Variants in MED12L observed in about 807,000 individuals in gnomAD.
MED12L encodes the protein mediator of RNA polymerase II transcription subunit 12-like protein.
A neutral mutation model predicts 281.3 loss-of-function variants in MED12L; 60 were observed. That is an observed-to-expected ratio of 0.21 (90% CI 0.17 to 0.26). The LOEUF is 0.26. Ranked by LOEUF, MED12L falls within the 10% of genes least tolerant of loss-of-function variation. The pLI is 1.00. For synonymous variants in MED12L, 974 were observed against 987.2 expected, an observed-to-expected ratio of 0.99 and a Z score of 0.25; for missense variants, 2,146 against 2,680.9, an observed-to-expected ratio of 0.80 and a Z score of 4.41.
intron 16 of MED12L, among the ~76,000 whole-genome samples, chr3:151,320,124 T>C (rs1748820791): frequency 2.0e-5 from 3 of 152,216 alleles, no homozygotes; most frequent in Admixed American, 2.0e-4. Flanking sequence ...TTGGCTTTTC[T>C]GCATTGGTGT....
chr3:151,359,723 C>T (rs973530225), intron 20 of MED12L, among the ~76,000 whole-genome samples: 1 of 152,072 alleles, frequency 6.6e-6, no homozygotes, highest in African/African-American at 2.4e-5. Context: ...AATCTGTCAT[C>T]TGTGACTCCG....
intron 16 of MED12L, among the ~76,000 whole-genome samples, chr3:151,291,156 T>TG (rs1257279848): frequency 2.8e-4 from 38 of 136,524 alleles, no homozygotes; most frequent in African/African-American, 7.4e-4. Context: ...TTCTGTTTTT[T>TG]TTTTTTTTTG....
intron 16 of MED12L, chr3:151,269,397 TCACACACACACA>T (rs71801434): frequency 2.8e-3 from 408 of 144,672 alleles, no homozygotes; most frequent in South Asian, 9.5e-3. Flanking sequence ...TGAAACTCCA[TCACACACACACA>T]CACACACACA....
Position 151,372,700 on chromosome 3 carries a change from C to T in MED12L, c.3798C>T (p.Ser1266=), listed in dbSNP as rs2108021024. ...AAAATCCAAAATCCTGTGGGAAAAG[C>T]ATTTCCATAGAAACTGCCAATTTAA... ...ASQNPKSCGK[S]ISIETANLRE... The change falls in exon 27 of 45, where the codon AGC becomes AGT. Residue 1266 remains serine, a synonymous_variant. Coordinates refer to ENST00000687756, the MANE Select transcript of MED12L (RefSeq NM_001393769.1). 1 of 1,613,924 alleles carries T rather than the reference C, an allele frequency of 6.2e-7. No homozygotes were observed. The highest frequency in any genetic ancestry group is 8.5e-7 in the Non-Finnish European group (1 of 1,179,850).
intron 20 of MED12L, among the ~76,000 whole-genome samples, chr3:151,359,153 G>C (rs1272317656): frequency 1.3e-5 from 2 of 152,000 alleles, no homozygotes; most frequent in African/African-American, 4.8e-5. Context: ...CTCATGCTTA[G>C]CTCCCACTTA....
intron 16 of MED12L, among the ~76,000 whole-genome samples, chr3:151,225,941 C>A (rs936179131): frequency 6.6e-6 from 1 of 152,174 alleles, no homozygotes; most frequent in Non-Finnish European, 1.5e-5. Flanking sequence ...TACATTGTAA[C>A]CTTTGGCTCC....
At chr3:151,277,960 C>T (rs760727388) in intron 16 of MED12L, among the ~76,000 whole-genome samples, 3 of 152,134 alleles carry the variant, frequency 2.0e-5, no homozygotes, top group South Asian at 2.1e-4. Context: ...TACACATTTA[C>T]GAGCTTTTGA....
intron 8 of MED12L, among the ~76,000 whole-genome samples, chr3:151,163,435 T>TTAC (rs1400535118): frequency 6.6e-6 from 1 of 152,198 alleles, no homozygotes; most frequent in Non-Finnish European, 1.5e-5. Flanking sequence ...TTGTCCAGGG[T>TTAC]TACTGCCTGC....
At chr3:151,141,178 G>GTTTTTTTGT (rs1553808457) in intron 5 of MED12L, among the ~76,000 whole-genome samples, 7 of 102,178 alleles carry the variant, frequency 6.9e-5, no homozygotes, top group Non-Finnish European at 1.3e-4. Flanking sequence ...TTTTTTTTTT[G>GTTTTTTTGT]TTTTTTTTGT....
At chr3:151,207,825 T>C (rs1269052709) in intron 16 of MED12L, among the ~76,000 whole-genome samples, 5 of 151,726 alleles carry the variant, frequency 3.3e-5, no homozygotes, top group Admixed American at 1.3e-4. Context: ...CAGGGTGGGG[T>C]AGAGAGGGAG....
At chr3:151,132,444 TC>T (rs1412388171) in intron 5 of MED12L, among the ~76,000 whole-genome samples, 5 of 152,222 alleles carry the variant, frequency 3.3e-5, no homozygotes, top group African/African-American at 4.8e-5. Flanking sequence ...TTGTAGACTG[TC>T]CATTGATTTT....
At chr3:151,200,471 ATATAAGT>A (rs1725387171) in intron 16 of MED12L, among the ~76,000 whole-genome samples, 1 of 152,262 alleles carries the variant, frequency 6.6e-6, no homozygotes, top group Non-Finnish European at 1.5e-5. Context: ...AAAGAAGCAA[ATATAAGT>A]TATAGTGACC....
intron 16 of MED12L, among the ~76,000 whole-genome samples, chr3:151,298,410 G>A (rs777340854): frequency 6.6e-6 from 1 of 152,148 alleles, no homozygotes; most frequent in East Asian, 1.9e-4. Flanking sequence ...CTGTTTTCTC[G>A]CAATATGTGC....
intron 11 of MED12L, among the ~76,000 whole-genome samples, chr3:151,184,483 A>T (rs1723042635): frequency 6.6e-6 from 1 of 152,220 alleles, no homozygotes; most frequent in Admixed American, 6.5e-5. Context: ...CCATGGGGAC[A>T]TATTAAAAAC....
intron 11 of MED12L, among the ~76,000 whole-genome samples, chr3:151,173,219 A>G (rs1560119281): frequency 6.6e-6 from 1 of 151,862 alleles, no homozygotes; most frequent in Non-Finnish European, 1.5e-5. Context: ...AAAATCTTTT[A>G]CTTTTTTGAC....
At position 151,266,581 on chromosome 3, in the gene MED12L, T is replaced by C. The variant is rs1414309529; in HGVS notation, c.2250+72915T>C. On this transcript the variant is annotated intron_variant, in intron 16 of 44. Coordinates refer to ENST00000687756, the MANE Select transcript of MED12L (RefSeq NM_001393769.1). Reference sequence around the variant, plus strand: ...GTTAGCTATAAGAGATGGGGGTTGCTGTCTTATTTTCCTTGAACATTCTTT... The same window carrying C: ...GTTAGCTATAAGAGATGGGGGTTGCCGTCTTATTTTCCTTGAACATTCTTT... Among the ~76,000 whole-genome samples the C allele has an allele frequency of 4.6e-5, 7 of 152,374 alleles. No homozygotes were observed. The South Asian group carries it at 6.2e-4, about 14-fold the overall frequency.
chr3:151,339,106 T>A (rs930183018), intron 16 of MED12L, among the ~76,000 whole-genome samples: 1 of 152,200 alleles, frequency 6.6e-6, no homozygotes, highest in Non-Finnish European at 1.5e-5. Context: ...AGTATTTTTT[T>A]ATTTGTTGAA....
chr3:151,290,584 AAC>A (rs368485890), intron 16 of MED12L, among the ~76,000 whole-genome samples: 1 of 152,052 alleles, frequency 6.6e-6, no homozygotes, highest in Non-Finnish European at 1.5e-5. Context: ...ATTTAGAAAG[AAC>A]AGTCTATTTG....
chr3:151,240,220 C>A (rs1318063540), intron 16 of MED12L, among the ~76,000 whole-genome samples: 11 of 152,064 alleles, frequency 7.2e-5, no homozygotes, highest in Non-Finnish European at 1.0e-4. Flanking sequence ...AATAGATGTT[C>A]ACTACCTGTG....
Sources: gnomAD v4.1 joint callset for allele counts (sites outside exome capture counted in the v4.1 genomes callset) on GRCh38, gnomAD v4.1.1 for gene constraint, MANE v1.5 for transcripts, NCBI Gene and HGNC (gene_info 2026-07-23, HGNC 2026-07-21) for gene names.